The following GRM5 variants were observed in gnomAD, a reference collection of about 807,000 sequenced individuals.
GRM5 encodes the protein glutamate metabotropic receptor 5, also known as metabotropic glutamate receptor 5.
In GRM5, 19 loss-of-function variants were observed where a neutral mutation model predicts 83.1. The observed-to-expected ratio is 0.23, with a 90% CI of 0.16 to 0.34. The LOEUF is 0.34. GRM5 is among the 10% of genes least tolerant of loss of function. The probability of loss-of-function intolerance (pLI) is 1.00; values close to 1 mark genes in which losing one functional copy is unlikely to be tolerated. For missense variants in GRM5, 1,160 were observed against 1,588.3 expected (o/e 0.73, Z 4.58); for synonymous variants, 675 against 633.6 (o/e 1.07, Z -0.98).
intron 4 of GRM5, among the ~76,000 whole-genome samples, chr11:88,616,633 A>G (rs1309958514): frequency 1.3e-5 from 2 of 152,264 alleles, no homozygotes; most frequent in South Asian, 2.1e-4. Flanking sequence ...GGAAAAATGA[A>G]GAATGAAGGA....
chr11:88,576,078 C>T (rs1373455341), intron 7 of GRM5, among the ~76,000 whole-genome samples: 2 of 152,064 alleles, frequency 1.3e-5, no homozygotes, highest in Admixed American at 1.3e-4. Context: ...ATATGACTTC[C>T]GGTCATACTG....
At chr11:89,031,228 C>T (rs1413955604) in intron 2 of GRM5, among the ~76,000 whole-genome samples, 2 of 151,878 alleles carry the variant, frequency 1.3e-5, no homozygotes, top group African/African-American at 2.4e-5. Context: ...TGTTTTTATA[C>T]TAACTAAACT....
chr11:89,057,077 A>C (rs1394057204), intron 1 of GRM5, among the ~76,000 whole-genome samples: 3 of 152,166 alleles, frequency 2.0e-5, no homozygotes, highest in Non-Finnish European at 4.4e-5. Flanking sequence ...ATCTTCTAAA[A>C]TACTGACCAT....
intron 1 of GRM5, among the ~76,000 whole-genome samples, chr11:89,051,464 C>A (rs1458616831): frequency 6.6e-6 from 1 of 151,996 alleles, no homozygotes; most frequent in Non-Finnish European, 1.5e-5. Context: ...AATCCCAGCA[C>A]TTTGGGAGGC....
chr11:88,848,856 T>A (rs112686491), intron 3 of GRM5, among the ~76,000 whole-genome samples: 1 of 152,174 alleles, frequency 6.6e-6, no homozygotes, highest in Admixed American at 6.5e-5. Context: ...CCCTCTCTAA[T>A]ATGGATGGAC....
chr11:88,871,891 T>A (rs1944774078), intron 2 of GRM5, among the ~76,000 whole-genome samples: 1 of 151,318 alleles, frequency 6.6e-6, no homozygotes, highest in Non-Finnish European at 1.5e-5. Flanking sequence ...TAGAAATAAT[T>A]ATACCCTATA....
chr11:89,046,548 A>G (rs1941646040), intron 2 of GRM5, among the ~76,000 whole-genome samples: 1 of 152,226 alleles, frequency 6.6e-6, no homozygotes, highest in South Asian at 2.1e-4. Flanking sequence ...AACATCAGTC[A>G]GATTTTTCTT....
At chr11:89,004,511 G>T (rs1940472282) in intron 2 of GRM5, among the ~76,000 whole-genome samples, 3 of 152,134 alleles carry the variant, frequency 2.0e-5, no homozygotes, top group African/African-American at 7.2e-5. Flanking sequence ...CCACTGGTGA[G>T]TACAAAGTTT....
At chr11:88,795,256 A>G (rs962889783) in intron 3 of GRM5, among the ~76,000 whole-genome samples, 2 of 152,238 alleles carry the variant, frequency 1.3e-5, no homozygotes, top group Admixed American at 6.5e-5. Flanking sequence ...AACTTGGCCA[A>G]AGTTGTACAG....
chr11:88,878,463 G>A (rs577958828), intron 2 of GRM5, among the ~76,000 whole-genome samples: 2 of 152,226 alleles, frequency 1.3e-5, no homozygotes, highest in South Asian at 2.1e-4. Context: ...TACCACAGAA[G>A]GTCCCTATTC....
chr11:88,924,496 T>G (rs1246025244), intron 2 of GRM5, among the ~76,000 whole-genome samples: 2 of 152,050 alleles, frequency 1.3e-5, no homozygotes, highest in African/African-American at 4.8e-5. Flanking sequence ...ATCCTGCCAT[T>G]TGCAACAATA....
At chr11:88,858,316 T>C (rs1944507165) in intron 2 of GRM5, among the ~76,000 whole-genome samples, 1 of 152,096 alleles carries the variant, frequency 6.6e-6, no homozygotes, top group African/African-American at 2.4e-5. Context: ...GTTATAAGTT[T>C]ATAACTATGC....
At position 88,713,619 on chromosome 11, in the gene GRM5, A is replaced by C. The variant is rs573497267; in HGVS notation, c.912-60216T>G. 2.0e-5 allele frequency among the ~76,000 whole-genome samples: 3 copies of C among 152,140 alleles called. No individual in the cohort carries two copies. The East Asian group carries it at 5.8e-4, about 29-fold the overall frequency. On this transcript the variant is annotated intron_variant, in intron 3 of 9. Coordinates refer to ENST00000305447, the MANE Select transcript of GRM5 (RefSeq NM_001143831.3). ...CCAGGGTGGAGGCATGTTTTCTTGT[A>C]CACTCAAATATTAGAATGTCACAGA...
At chr11:88,653,965 A>G (rs1047551576) in intron 3 of GRM5, among the ~76,000 whole-genome samples, 5 of 152,102 alleles carry the variant, frequency 3.3e-5, no homozygotes, top group African/African-American at 1.2e-4. Flanking sequence ...TGATTTCCCA[A>G]GCCTCGAACT....
At chr11:88,538,691 A>C (rs1385989990) in intron 8 of GRM5, among the ~76,000 whole-genome samples, 1 of 152,218 alleles carries the variant, frequency 6.6e-6, no homozygotes, top group Non-Finnish European at 1.5e-5. Context: ...GCCATCACTT[A>C]CTGAGCACTT....
intron 3 of GRM5, among the ~76,000 whole-genome samples, chr11:88,773,973 T>C (rs1565224291): frequency 6.6e-6 from 1 of 152,224 alleles, no homozygotes; most frequent in Non-Finnish European, 1.5e-5. Flanking sequence ...AAGTAGTTTC[T>C]TCCAATTCTG....
At chr11:88,993,815 G>A (rs1208747288) in intron 2 of GRM5, among the ~76,000 whole-genome samples, 1 of 152,120 alleles carries the variant, frequency 6.6e-6, no homozygotes, top group East Asian at 1.9e-4. Context: ...CTGAGATGCA[G>A]TGATGAAGTG....
intron 3 of GRM5, among the ~76,000 whole-genome samples, chr11:88,753,976 C>G (rs1008756227): frequency 6.6e-6 from 1 of 152,024 alleles, no homozygotes; most frequent in African/African-American, 2.4e-5. Context: ...AAGACCTGCC[C>G]CCATGATTCA....
chr11:88,726,474 T>C (rs1035275986), intron 3 of GRM5, among the ~76,000 whole-genome samples: 4 of 152,148 alleles, frequency 2.6e-5, no homozygotes, highest in African/African-American at 9.7e-5. Context: ...TTTAGGATAT[T>C]ATCCAGGAGA....
Sources: allele counts gnomAD v4.1 joint callset (sites outside exome capture counted in the v4.1 genomes callset), GRCh38; gene constraint gnomAD v4.1.1; transcripts MANE v1.5; gene names NCBI Gene and HGNC (gene_info 2026-07-23, HGNC 2026-07-21).